Variants in RPTOR observed in about 807,000 individuals in gnomAD.
The protein encoded by RPTOR is regulatory associated protein of MTOR complex 1.
In RPTOR, 21 loss-of-function variants were observed where a neutral mutation model predicts 169.9. That is an observed-to-expected ratio of 0.12 (90% CI 0.09 to 0.18). The LOEUF is 0.18. Ranked by LOEUF, RPTOR falls within the 10% of genes least tolerant of loss-of-function variation. RPTOR has a pLI of 1.00. For missense variants in RPTOR, 1,133 were observed against 1,855.9 expected, an observed-to-expected ratio of 0.61 and a Z score of 7.16; for synonymous variants, 732 against 753.2, an observed-to-expected ratio of 0.97 and a Z score of 0.46.
rs144165889 is a variant in RPTOR, at chr17:80,955,866, C to T, written c.3371-1758C>T. On this transcript the variant is annotated intron_variant, in intron 28 of 33. Transcript: ENST00000306801. Reference sequence around the variant, plus strand: ...GCTTCCTTCTCCACCCGCAAGGACACGTGAAGTTGTTGACTGTGACATGGT... The same window carrying T: ...GCTTCCTTCTCCACCCGCAAGGACATGTGAAGTTGTTGACTGTGACATGGT... 4.0e-3 allele frequency among the ~76,000 whole-genome samples: 609 copies of T among 152,256 alleles called. 8 individuals carry two copies. The highest frequency in any genetic ancestry group is 0.014 in the African/African-American group (589 of 41,546).
At chr17:80,852,639 G>A (rs1178572727) in intron 11 of RPTOR, among the ~76,000 whole-genome samples, 1 of 152,058 alleles carries the variant, frequency 6.6e-6, no homozygotes, top group South Asian at 2.1e-4. Flanking sequence ...GGACATGCTG[G>A]GATCCCCTCC....
chr17:80,778,722 C>A (rs769939786), intron 6 of RPTOR, among the ~76,000 whole-genome samples: 28 of 152,122 alleles, frequency 1.8e-4, no homozygotes, highest in Non-Finnish European at 2.9e-4. Flanking sequence ...TGACTAGAGC[C>A]CGGGAGTTCA....
At chr17:80,644,203 G>GA (rs2065575279) in intron 3 of RPTOR, among the ~76,000 whole-genome samples, 2 of 150,918 alleles carry the variant, frequency 1.3e-5, no homozygotes, top group Non-Finnish European at 2.9e-5. Context: ...ACATAGTTGA[G>GA]AAAAAAACAC....
chr17:80,690,300 T>C (rs2143738305), intron 3 of RPTOR, among the ~76,000 whole-genome samples: 1 of 150,686 alleles, frequency 6.6e-6, no homozygotes, highest in Middle Eastern at 3.4e-3. Flanking sequence ...AAATATTTAC[T>C]TTCTCTAAAG....
intron 28 of RPTOR, among the ~76,000 whole-genome samples, chr17:80,951,756 A>C (rs2069181426): frequency 1.3e-5 from 2 of 152,248 alleles, no homozygotes. Context: ...GCCGAGGGAC[A>C]GCTGCCCAGA....
chr17:80,961,208 G>A (rs1042793582), intron 30 of RPTOR, among the ~76,000 whole-genome samples, 186 bp from the exon 31 acceptor site: 1 of 152,238 alleles, frequency 6.6e-6, no homozygotes, highest in Non-Finnish European at 1.5e-5. Flanking sequence ...GGGGGTCTCT[G>A]CTGGAGCAGG....
chr17:80,823,639 T>TCACACA lies in RPTOR; in HGVS notation c.1136+417_1136+418insACACAC, dbSNP rs1491171593. On this transcript the variant is annotated intron_variant, in intron 9 of 33. Coordinates refer to ENST00000306801, the MANE Select transcript of RPTOR (RefSeq NM_020761.3). This position sits in a 1 kb window ranked among gnomAD's most constrained non-coding sequence, Gnocchi z 4.5. The stretch of plus-strand genomic sequence containing the variant: ...TGATCAATTAGTTTTTATGCTTATT[T>TCACACA]CTCACACACACACACACACACACAC... 1 of 133,662 alleles carries TCACACA rather than the reference T, an allele frequency of 7.5e-6. No homozygotes were observed. The highest frequency in any genetic ancestry group is 4.1e-5 in the African/African-American group (1 of 24,312). The allele number at this position is 133,662 out of a possible 1,614,324, so 8.3% of individuals were successfully genotyped here.
chr17:80,872,479 G>A (rs1598367688), intron 13 of RPTOR, among the ~76,000 whole-genome samples: 2 of 152,078 alleles, frequency 1.3e-5, no homozygotes, highest in East Asian at 3.9e-4. Context: ...GCACTGGGTC[G>A]GTCCTGGGAG....
At chr17:80,700,697 ATGGTGGTGGTGATGG>A (rs1567864589) in intron 3 of RPTOR, among the ~76,000 whole-genome samples, 5 of 23,042 alleles carry the variant, frequency 2.2e-4, no homozygotes, top group Non-Finnish European at 2.9e-4. Flanking sequence ...GGTGATGGTG[ATGGTGGTGGTGATGG>A]TGGTGGTGGT....
At chr17:80,827,585 C>G (rs957911165) in intron 9 of RPTOR, among the ~76,000 whole-genome samples, 1 of 152,170 alleles carries the variant, frequency 6.6e-6, no homozygotes, top group African/African-American at 2.4e-5. Flanking sequence ...CAGGTCCCAC[C>G]TGCACCCCCA....
intron 3 of RPTOR, among the ~76,000 whole-genome samples, chr17:80,700,924 CTCAG>C (rs2066095629): frequency 6.6e-6 from 1 of 151,638 alleles, no homozygotes; most frequent in Non-Finnish European, 1.5e-5. Flanking sequence ...GGTGGATGGA[CTCAG>C]TCAGGATTGA....
chr17:80,925,573 G>T (rs1299821789), intron 24 of RPTOR, 93 bp downstream of exon 24: 7 of 1,019,206 alleles, frequency 6.9e-6, no homozygotes, highest in African/African-American at 3.2e-5. Context: ...TTGTGGCTGT[G>T]GGAGCGTCCC....
intron 9 of RPTOR, among the ~76,000 whole-genome samples, chr17:80,829,384 C>T (rs777874357): frequency 6.0e-4 from 92 of 152,176 alleles, no homozygotes; most frequent in Non-Finnish European, 9.3e-4. Context: ...CTCTGCGGGG[C>T]GGTTTTGGCC....
chr17:80,965,748 C>T lies in RPTOR; in HGVS notation c.*1418C>T, dbSNP rs1028465740. On this transcript the variant is annotated 3_prime_UTR_variant, in exon 34 of 34. Coordinates refer to ENST00000306801, the MANE Select transcript of RPTOR (RefSeq NM_020761.3). The stretch of plus-strand genomic sequence containing the variant: ...ACATTTGGCCAGAGACACACCTGGC[C>T]CTCAGGGGGCTGAGCTGGAGACTGA... The T allele has an allele frequency of 8.6e-6, 2 of 233,224 alleles. No individual in the cohort carries two copies. The highest frequency in any genetic ancestry group is 1.7e-5 in the Non-Finnish European group (2 of 118,096). The allele number at this position is 233,224 out of a possible 1,614,324, so 14.4% of individuals were successfully genotyped here. A position where few individuals can be genotyped will look rare whatever the true frequency, so the allele number is the denominator to read the frequency against.
chr17:80,622,973 A>C (rs2065365790), intron 1 of RPTOR, among the ~76,000 whole-genome samples: 1 of 152,222 alleles, frequency 6.6e-6, no homozygotes, highest in Non-Finnish European at 1.5e-5. Flanking sequence ...GAGAGGAGGC[A>C]CTAAAATGCT....
chr17:80,625,171 G>T (rs184329600), intron 1 of RPTOR, among the ~76,000 whole-genome samples: 1 of 152,194 alleles, frequency 6.6e-6, no homozygotes, highest in Non-Finnish European at 1.5e-5. Context: ...TCCACGGAGA[G>T]TGAACAACGC....
chr17:80,564,345 A>G (rs1293691220), intron 1 of RPTOR, among the ~76,000 whole-genome samples: 1 of 152,002 alleles, frequency 6.6e-6, no homozygotes, highest in South Asian at 2.1e-4. Flanking sequence ...CACAGCTCGC[A>G]TGTCTTTTTG....
chr17:80,700,730 ATGATGG>A (rs1567864664), intron 3 of RPTOR, among the ~76,000 whole-genome samples: 20 of 2,568 alleles, frequency 7.8e-3, no homozygotes, highest in Non-Finnish European at 8.5e-3. Flanking sequence ...GGTGGTGGTG[ATGATGG>A]TGGTGGTGGT....
At chr17:80,930,461 A>T (rs1221332565) in intron 24 of RPTOR, among the ~76,000 whole-genome samples, 6 of 151,758 alleles carry the variant, frequency 4.0e-5, no homozygotes, top group African/African-American at 9.7e-5. Context: ...GCTCATCCCC[A>T]GCTCATCCCC....
Sources: allele counts gnomAD v4.1 joint callset (sites outside exome capture counted in the v4.1 genomes callset), GRCh38; gene constraint gnomAD v4.1.1; non-coding constraint Gnocchi (gnomAD v3.1); transcripts MANE v1.5; gene names NCBI Gene and HGNC (gene_info 2026-07-23, HGNC 2026-07-21).